The following SNX9 variants were observed in gnomAD, a reference collection of about 807,000 sequenced individuals.
The protein encoded by SNX9 is sorting nexin-9.
SNX9 carries 44 observed loss-of-function variants against 89.4 expected under a neutral mutation model. The observed-to-expected ratio is 0.49, with a 90% CI of 0.39 to 0.63. The LOEUF is 0.63. Ranked by LOEUF, SNX9 falls within the 30% of genes least tolerant of loss-of-function variation. The pLI is 0.00. For synonymous variants in SNX9, 236 were observed against 247.8 expected (o/e 0.95, Z 0.45); for missense variants, 578 against 736.1 (o/e 0.79, Z 2.49).
At chr6:157,830,413 A>C (rs1205677251) in intron 1 of SNX9, 1 of 152,230 alleles carries the variant, frequency 6.6e-6, no homozygotes, top group Non-Finnish European at 1.5e-5. Flanking sequence ...GAAGCCAGTT[A>C]GCTAATTATT....
chr6:157,882,388 T>C (rs1401932807), intron 4 of SNX9, among the ~76,000 whole-genome samples: 3 of 152,248 alleles, frequency 2.0e-5, no homozygotes, highest in Non-Finnish European at 4.4e-5. Flanking sequence ...ATTGATGTTT[T>C]CATGCCTGCT....
intron 6 of SNX9, among the ~76,000 whole-genome samples, chr6:157,904,757 T>G (rs186816841): frequency 6.6e-6 from 1 of 152,318 alleles, no homozygotes; most frequent in East Asian, 1.9e-4. Context: ...TGTTGCAGGT[T>G]AGCCTAATTC....
chr6:157,844,595 T>TTTTG (rs1781766509), intron 1 of SNX9, among the ~76,000 whole-genome samples: 1 of 129,978 alleles, frequency 7.7e-6, no homozygotes, highest in African/African-American at 3.0e-5. Flanking sequence ...TTGTTTTTTT[T>TTTTG]TTTTGTTTTT....
intron 12 of SNX9, among the ~76,000 whole-genome samples, chr6:157,931,193 A>C (rs1304544016): frequency 6.6e-6 from 1 of 152,202 alleles, no homozygotes; most frequent in African/African-American, 2.4e-5. Context: ...CACACTCTGC[A>C]TGGTGAACCA....
At chr6:157,878,406 T>C (rs1477673043) in intron 4 of SNX9, among the ~76,000 whole-genome samples, 1 of 152,058 alleles carries the variant, frequency 6.6e-6, no homozygotes, top group Non-Finnish European at 1.5e-5. Flanking sequence ...ATTTTTTTTA[T>C]GATCTTGGAA....
intron 1 of SNX9, among the ~76,000 whole-genome samples, chr6:157,827,590 TTA>T (rs1185888789): frequency 7.2e-6 from 1 of 139,408 alleles, no homozygotes; most frequent in Non-Finnish European, 1.5e-5. Context: ...ATATTATAGT[TTA>T]TATATATATG....
chr6:157,880,723 T>C (rs963547068), intron 4 of SNX9, among the ~76,000 whole-genome samples: 1 of 152,234 alleles, frequency 6.6e-6, no homozygotes, highest in Non-Finnish European at 1.5e-5. Flanking sequence ...TCCATTGTTC[T>C]AACAGATTTC....
At chr6:157,833,164 C>T (rs1011886566) in intron 1 of SNX9, among the ~76,000 whole-genome samples, 2 of 152,020 alleles carry the variant, frequency 1.3e-5, no homozygotes, top group East Asian at 1.9e-4. Context: ...AAAATTTAGA[C>T]GTATGTATAA....
chr6:157,904,601 C>G (rs1337865056), intron 6 of SNX9, among the ~76,000 whole-genome samples: 7 of 152,180 alleles, frequency 4.6e-5, no homozygotes, highest in Non-Finnish European at 8.8e-5. Flanking sequence ...GTCCCAGCTA[C>G]TTGGGAGACT....
intron 1 of SNX9, among the ~76,000 whole-genome samples, chr6:157,831,812 T>G (rs1781484441): frequency 6.6e-6 from 1 of 152,260 alleles, no homozygotes; most frequent in Non-Finnish European, 1.5e-5. Context: ...AGTCTGGCAG[T>G]GGCTCAGGTA....
At chr6:157,824,112 C>G (rs1033563808) in intron 1 of SNX9, among the ~76,000 whole-genome samples, 2 of 152,194 alleles carry the variant, frequency 1.3e-5, no homozygotes, top group Admixed American at 1.3e-4. Flanking sequence ...TACGTGTTTG[C>G]CTGAAAAAAG....
chr6:157,882,544 A>G (rs1330496282), intron 4 of SNX9, among the ~76,000 whole-genome samples: 1 of 152,186 alleles, frequency 6.6e-6, no homozygotes, highest in Non-Finnish European at 1.5e-5. Context: ...AACCTTCTGA[A>G]AAGGATTCAT....
chr6:157,916,414 C>T (rs1783473386), intron 9 of SNX9, among the ~76,000 whole-genome samples: 1 of 152,192 alleles, frequency 6.6e-6, no homozygotes, highest in African/African-American at 2.4e-5. Context: ...CATGGGCCTT[C>T]TACTTCTGTT....
At chr6:157,941,330 GT>G (rs1784031614) in intron 17 of SNX9, among the ~76,000 whole-genome samples, 1 of 152,126 alleles carries the variant, frequency 6.6e-6, no homozygotes. Flanking sequence ...CTGGGACTCC[GT>G]TGGCAGCTGG....
intron 5 of SNX9, among the ~76,000 whole-genome samples, chr6:157,898,002 G>C (rs1267616290): frequency 6.6e-6 from 1 of 152,162 alleles, no homozygotes; most frequent in East Asian, 1.9e-4. Context: ...AGGGTTAGGA[G>C]ATCTGTGTCA....
At chr6:157,918,251 C>A (rs1169653286) in intron 9 of SNX9, among the ~76,000 whole-genome samples, 1 of 152,074 alleles carries the variant, frequency 6.6e-6, no homozygotes, top group African/African-American at 2.4e-5. Flanking sequence ...CCTTTTAATT[C>A]TGTCACTTTG....
intron 17 of SNX9, among the ~76,000 whole-genome samples, chr6:157,942,297 C>A (rs1223231138): frequency 6.6e-6 from 1 of 152,222 alleles, no homozygotes; most frequent in East Asian, 1.9e-4. Flanking sequence ...ACAGCTGTGC[C>A]TTCAAGGAGC....
intron 10 of SNX9, 24 bp from the exon 11 acceptor site, chr6:157,927,087 A>AC (rs1202623876): frequency 1.3e-6 from 2 of 1,586,066 alleles, no homozygotes; most frequent in Admixed American, 3.3e-5. Context: ...CTCCACTTGA[A>AC]CCTTACAACA....
At chr6:157,897,752 GT>G (rs1404532693) in intron 5 of SNX9, among the ~76,000 whole-genome samples, 1 of 152,142 alleles carries the variant, frequency 6.6e-6, no homozygotes, top group Non-Finnish European at 1.5e-5. Flanking sequence ...CTGACCTCAG[GT>G]GATCCACCTG....
Sources: allele counts gnomAD v4.1 joint callset (sites outside exome capture counted in the v4.1 genomes callset), GRCh38; gene constraint gnomAD v4.1.1; transcripts MANE v1.5; gene names NCBI Gene and HGNC (gene_info 2026-07-23, HGNC 2026-07-21).